Variants in APBB2 observed in about 807,000 individuals in gnomAD.
APBB2 encodes Fe65-like 1.
In APBB2, 38 loss-of-function variants were observed where a neutral mutation model predicts 82.5. The observed-to-expected ratio is 0.46, with a 90% CI of 0.36 to 0.60. APBB2 has a LOEUF of 0.60. Among genes scored for constraint, APBB2 ranks in the 20% least tolerant of loss-of-function variants. APBB2 has a pLI of 0.00. For missense variants in APBB2, 772 were observed against 972.3 expected (o/e 0.79, Z 2.74); for synonymous variants, 341 against 368.2 (o/e 0.93, Z 0.85).
At chr4:41,097,632 G>A (rs1362631937) in intron 3 of APBB2, among the ~76,000 whole-genome samples, 1 of 152,168 alleles carries the variant, frequency 6.6e-6, no homozygotes, top group African/African-American at 2.4e-5. Context: ...CATGCATTAA[G>A]TAGGATAATA....
chr4:40,853,911 A>G (rs1760300453), intron 12 of APBB2, among the ~76,000 whole-genome samples: 1 of 152,050 alleles, frequency 6.6e-6, no homozygotes, highest in Non-Finnish European at 1.5e-5. Flanking sequence ...GGTCTTCAAG[A>G]CACTCGGCAT....
Position 40,934,460 on chromosome 4 carries a change from G to T in APBB2, c.1250C>A (p.Ala417Asp). 4 of 1,614,092 alleles carry T rather than the reference G, an allele frequency of 2.5e-6. No individual in the cohort carries two copies. Among genetic ancestry groups the T allele is most frequent in the Non-Finnish European group, 3.4e-6 (4 of 1,179,918 alleles). Residue 417 changes from alanine (A) to aspartate (D), a missense_variant, in exon 10 of 18, where the codon GCC becomes GAC. By Grantham distance (126) the Ala-to-Asp change is moderately radical (BLOSUM62 -2). Transcript: ENST00000508593. ...TGAAAGCAAGTCTTTACAAACCTTG[G>T]CTTCTGGGTCACTGTTGATACTACA... ...DSCSINSDPE[A>D]KCFAVRSLGW...
At chr4:40,989,894 C>T (rs1257182656) in intron 6 of APBB2, among the ~76,000 whole-genome samples, 1 of 152,138 alleles carries the variant, frequency 6.6e-6, no homozygotes, top group Non-Finnish European at 1.5e-5. Flanking sequence ...AACTCTGGGC[C>T]TCAAAGAGAT....
intron 6 of APBB2, among the ~76,000 whole-genome samples, chr4:41,010,201 C>T (rs1456530621): frequency 6.6e-6 from 1 of 152,150 alleles, no homozygotes; most frequent in African/African-American, 2.4e-5. Flanking sequence ...TGAAGGCTGG[C>T]ATAGGTTTGG....
chr4:40,877,117 T>C (rs1188510806), intron 12 of APBB2, among the ~76,000 whole-genome samples: 1 of 152,198 alleles, frequency 6.6e-6, no homozygotes, highest in Non-Finnish European at 1.5e-5. Flanking sequence ...GATGAACACA[T>C]GCCGAAATGA....
intron 1 of APBB2, among the ~76,000 whole-genome samples, chr4:41,171,701 T>C (rs1401425668): frequency 6.6e-6 from 1 of 152,230 alleles, no homozygotes; most frequent in East Asian, 1.9e-4. Flanking sequence ...CTCATGCCTG[T>C]AATCCCAGCA....
At chr4:40,905,063 C>A (rs1274806678) in intron 10 of APBB2, among the ~76,000 whole-genome samples, 2 of 152,312 alleles carry the variant, frequency 1.3e-5, no homozygotes, top group South Asian at 2.1e-4. Flanking sequence ...TGGAAAAGCT[C>A]CCCTGATGTT....
chr4:40,826,024 A>AC lies in APBB2; in HGVS notation c.1733-55dup, dbSNP rs1287641586. On this transcript the variant is annotated intron_variant, in intron 14 of 17. Coordinates refer to ENST00000508593, the MANE Select transcript of APBB2 (RefSeq NM_004307.2). The surrounding 1 kb of genome is among the most constrained non-coding windows in gnomAD (Gnocchi z 4.5). ...CTCAGTGGTTCCAACACACATGTAC[A>AC]CAACAGCCGTGGCTCTGCATCATCT... 1.9e-5 allele frequency: 26 copies of AC among 1,378,742 alleles called. No homozygotes were observed. In the African/African-American group the frequency reaches 2.8e-4, roughly 15 times the overall value. 85.4% of individuals were successfully genotyped at this position (1,378,742 alleles called of 1,614,324 possible).
intron 12 of APBB2, among the ~76,000 whole-genome samples, chr4:40,831,649 C>A (rs1465598930): frequency 6.6e-6 from 1 of 152,158 alleles, no homozygotes; most frequent in East Asian, 1.9e-4. Flanking sequence ...AACAATGGAC[C>A]AGCCCACAGC....
At chr4:40,982,257 A>AGAAGGAAG (rs1463646563) in intron 6 of APBB2, among the ~76,000 whole-genome samples, 1 of 19,388 alleles carries the variant, frequency 5.2e-5, no homozygotes, top group Non-Finnish European at 1.1e-4. Context: ...AAAGAAAGAA[A>AGAAGGAAG]GAAAGAAAGA....
intron 2 of APBB2, among the ~76,000 whole-genome samples, chr4:41,123,255 G>A (rs1458947212): frequency 1.3e-5 from 2 of 152,012 alleles, no homozygotes; most frequent in Non-Finnish European, 2.9e-5. Flanking sequence ...ACAGTGGCAA[G>A]CAGACAGCCG....
intron 10 of APBB2, among the ~76,000 whole-genome samples, chr4:40,930,442 TGTGTGTGCGCGCGCGC>T (rs1357006740): frequency 9.5e-5 from 7 of 73,796 alleles, no homozygotes; most frequent in Admixed American, 1.6e-4. Flanking sequence ...TGTGTGTGTG[TGTGTGTGCGCGCGCGC>T]GCGCGCGCGT....
At chr4:40,982,273 AGAAAGAAAGAAG>A (rs1798842301) in intron 6 of APBB2, among the ~76,000 whole-genome samples, 6 of 29,106 alleles carry the variant, frequency 2.1e-4, no homozygotes, top group South Asian at 1.4e-3. Flanking sequence ...AAAGAAAGAA[AGAAAGAAAGAAG>A]GAAGGAAGGA....
chr4:40,910,921 A>C (rs1010734625), intron 10 of APBB2, among the ~76,000 whole-genome samples: 2 of 152,276 alleles, frequency 1.3e-5, no homozygotes, highest in African/African-American at 4.8e-5. Flanking sequence ...AGCCCAGCAC[A>C]GCCTATGGGA....
intron 2 of APBB2, among the ~76,000 whole-genome samples, chr4:41,117,102 CT>C (rs1751242357): frequency 6.6e-6 from 1 of 152,008 alleles, no homozygotes; most frequent in Non-Finnish European, 1.5e-5. Flanking sequence ...GCGATCCCCT[CT>C]TTTCTGACTC....
intron 4 of APBB2, among the ~76,000 whole-genome samples, chr4:41,044,560 T>C (rs1722700199): frequency 6.6e-6 from 1 of 152,220 alleles, no homozygotes; most frequent in African/African-American, 2.4e-5. Context: ...CCACTGATTT[T>C]TTTGCATGTT....
At chr4:41,160,158 AG>A (rs1192477733) in intron 1 of APBB2, among the ~76,000 whole-genome samples, 1 of 152,150 alleles carries the variant, frequency 6.6e-6, no homozygotes, top group East Asian at 1.9e-4. Context: ...TCCAGGGCCC[AG>A]GGCAAGCTGG....
chr4:41,204,504 C>G (rs1777465074), intron 1 of APBB2, among the ~76,000 whole-genome samples: 3 of 152,206 alleles, frequency 2.0e-5, no homozygotes, highest in Admixed American at 2.0e-4. Flanking sequence ...GTGGAATAGA[C>G]TTAGCATCCC....
intron 1 of APBB2, among the ~76,000 whole-genome samples, chr4:41,169,984 G>A (rs1200682626): frequency 6.6e-6 from 1 of 152,098 alleles, no homozygotes; most frequent in African/African-American, 2.4e-5. Flanking sequence ...AAAACAGAAT[G>A]AGGTTACTCT....
Sources: gnomAD v4.1 joint callset for allele counts (sites outside exome capture counted in the v4.1 genomes callset) on GRCh38, gnomAD v4.1.1 for gene constraint, Gnocchi (gnomAD v3.1) non-coding constraint, MANE v1.5 for transcripts, NCBI Gene and HGNC (gene_info 2026-07-23, HGNC 2026-07-21) for gene names.